The following SNRPF variants were observed in gnomAD, a reference collection of about 807,000 sequenced individuals.
SNRPF encodes the protein small nuclear ribonucleoprotein F.
Under a neutral mutation model 13.4 loss-of-function variants are expected in SNRPF, and 1 was observed. The ratio of observed to expected loss-of-function variants is 0.07; its 90% CI spans 0.03 to 0.35. The LOEUF is 0.35. SNRPF is among the 10% of genes least tolerant of loss of function. SNRPF has a pLI of 0.99. For missense variants in SNRPF, 53 were observed against 101.0 expected, an observed-to-expected ratio of 0.52 and a Z score of 2.04; for synonymous variants, 27 against 32.1, an observed-to-expected ratio of 0.84 and a Z score of 0.54.
chr12:95,861,624 C>T (rs2079496847), intron 2 of SNRPF: 1 of 227,112 alleles, frequency 4.4e-6, no homozygotes, highest in South Asian at 5.3e-5. Flanking sequence ...AGAAAGTTTT[C>T]AAGTGAAATT....
chr12:95,860,852 CTTT>C (rs10689270), intron 1 of SNRPF, among the ~76,000 whole-genome samples: 1 of 96,564 alleles, frequency 1.0e-5, no homozygotes, highest in African/African-American at 4.2e-5. Context: ...ACCTGGCCCG[CTTT>C]TTTTTTTTTT....
chr12:95,864,690 A>T (rs528982290), intron 2 of SNRPF, among the ~76,000 whole-genome samples: 1 of 152,360 alleles, frequency 6.6e-6, no homozygotes, highest in East Asian at 1.9e-4. Context: ...GGATCACTTG[A>T]AGGCAGAAAT....
At chr12:95,861,386 A>C in intron 2 of SNRPF, 93 bp downstream of exon 2, 1 of 1,210,954 alleles carries the variant, frequency 8.3e-7, no homozygotes, top group Non-Finnish European at 1.2e-6. Context: ...GAATACATAC[A>C]ATTAAATTGA....
intron 1 of SNRPF, 32 bp downstream of exon 1, chr12:95,859,108 G>T (rs897874750): frequency 3.1e-6 from 5 of 1,595,552 alleles, no homozygotes; most frequent in Non-Finnish European, 4.3e-6. Flanking sequence ...GGAGAAGCGG[G>T]GAGAAAGAGA....
chr12:95,860,388 C>T (rs183794603), intron 1 of SNRPF, among the ~76,000 whole-genome samples: 2,412 of 152,314 alleles, frequency 0.016, 32 homozygotes, highest in Non-Finnish European at 0.025. Context: ...AACTCTTATC[C>T]TTTAAAACTG....
chr12:95,861,057 A>T (rs1290467371), intron 1 of SNRPF, 111 bp from the exon 2 acceptor site: 1 of 848,682 alleles, frequency 1.2e-6, no homozygotes, highest in African/African-American at 1.7e-5. Flanking sequence ...AATAATAAGG[A>T]GTCAAAAGTT....
chr12:95,861,248 G>T lies in SNRPF; in HGVS notation c.84G>T (p.Glu28Asp). 1 of 1,612,416 alleles carries T rather than the reference G, an allele frequency of 6.2e-7. No individual in the cohort carries two copies. The highest frequency in any genetic ancestry group is 8.5e-7 in the Non-Finnish European group (1 of 1,178,974). The change falls in exon 2 of 4, where the codon GAG (glutamate) becomes GAT (aspartate). Residue 28 changes from glutamate (E) to aspartate (D), a missense_variant. Coordinates refer to ENST00000266735, the MANE Select transcript of SNRPF (RefSeq NM_003095.5). ...PVMVKLKWGM[E>D]YKGYLVSVDG... ...TGGTGAAACTTAAGTGGGGAATGGA[G>T]TACAAGGGCTATCTGGTATCTGTAG...
intron 1 of SNRPF, among the ~76,000 whole-genome samples, chr12:95,860,832 G>A (rs1302100184): frequency 6.9e-6 from 1 of 145,282 alleles, no homozygotes; most frequent in Admixed American, 6.9e-5. Flanking sequence ...TTACAGATAC[G>A]AGCCACCCTA....
intron 1 of SNRPF, among the ~76,000 whole-genome samples, chr12:95,859,941 A>T (rs2079487019): frequency 6.6e-6 from 1 of 152,244 alleles, no homozygotes; most frequent in South Asian, 2.1e-4. Flanking sequence ...AAATTGGAGA[A>T]TGAAAACTGG....
intron 2 of SNRPF, among the ~76,000 whole-genome samples, chr12:95,862,411 CTA>C (rs2079500290): frequency 6.6e-6 from 1 of 152,022 alleles, no homozygotes; most frequent in Non-Finnish European, 1.5e-5. Context: ...ACTGGTAATT[CTA>C]TGTTTAATTT....
At position 95,859,728 on chromosome 12, in the gene SNRPF, A is replaced by G. The variant is rs2079485833; in HGVS notation, c.3+652A>G. On this transcript the variant is annotated intron_variant, in intron 1 of 3. Transcript: ENST00000266735. ...CATTTGGAGAAATTGACAGAAAGGT[A>G]TAGCCACTTGCGCGAATAGTGGTTA... Among the ~76,000 whole-genome samples, 3 of 152,226 alleles carry G rather than the reference A, an allele frequency of 2.0e-5. No homozygotes were observed. In the South Asian group the frequency reaches 6.2e-4, roughly 31 times the overall value.
intron 2 of SNRPF, among the ~76,000 whole-genome samples, chr12:95,864,458 T>C (rs2079511886): frequency 6.6e-6 from 1 of 152,220 alleles, no homozygotes; most frequent in Non-Finnish European, 1.5e-5. Context: ...GTAGGTAAAG[T>C]AAGAAGAGCT....
Position 95,861,341 on chromosome 12 carries a change from C to T in SNRPF, c.129+48C>T, listed in dbSNP as rs1213846286. On this transcript the variant is annotated intron_variant, in intron 2 of 3. Coordinates refer to ENST00000266735, the MANE Select transcript of SNRPF (RefSeq NM_003095.5). ...TCATAACATTGCATTTATTTTGCTT[C>T]ACCTTATTTCTCAAAGGTTTAGTCT... 3 of 1,554,732 alleles carry T rather than the reference C, an allele frequency of 1.9e-6. No individual in the cohort carries two copies. In the Admixed American group the frequency reaches 5.3e-5, roughly 27 times the overall value.
chr12:95,863,996 T>C (rs1430703489), intron 2 of SNRPF, among the ~76,000 whole-genome samples: 2 of 152,214 alleles, frequency 1.3e-5, no homozygotes, highest in African/African-American at 4.8e-5. Context: ...AACATTATTG[T>C]GTAATTTAGA....
chr12:95,861,058 G>A (rs778467690), intron 1 of SNRPF, 110 bp from the exon 2 acceptor site: 38 of 942,162 alleles, frequency 4.0e-5, no homozygotes, highest in Non-Finnish European at 3.4e-5. Flanking sequence ...ATAATAAGGA[G>A]TCAAAAGTTT....
intron 2 of SNRPF, chr12:95,861,558 G>A: frequency 3.9e-6 from 1 of 254,278 alleles, no homozygotes; most frequent in South Asian, 4.2e-5. Flanking sequence ...ATACCATAAG[G>A]GAAACACACT....
At chr12:95,863,264 T>C (rs2079504586) in intron 2 of SNRPF, among the ~76,000 whole-genome samples, 1 of 152,202 alleles carries the variant, frequency 6.6e-6, no homozygotes, top group Non-Finnish European at 1.5e-5. Context: ...TAGAAAAATC[T>C]GGGAAGTATA....
chr12:95,865,622 C>T (rs2079517561), intron 3 of SNRPF, among the ~76,000 whole-genome samples: 1 of 152,100 alleles, frequency 6.6e-6, no homozygotes, highest in Non-Finnish European at 1.5e-5. Flanking sequence ...AATTTTCTAG[C>T]TCTTAGCTAT....
Position 95,861,300 on chromosome 12 carries a change from T to C in SNRPF, c.129+7T>C, listed in dbSNP as rs774708643. ...TGGCTACATGAACATGCAGGTAAGC[T>C]AAAGAGCTGTAAAGGTCATAACATT... On this transcript the variant is annotated splice_region_variant and intron_variant, in intron 2 of 3. Coordinates refer to ENST00000266735, the MANE Select transcript of SNRPF (RefSeq NM_003095.5). The C allele has an allele frequency of 1.9e-6, 3 of 1,606,630 alleles. No individual in the cohort carries two copies. The South Asian group carries it at 3.3e-5, about 18-fold the overall frequency.
Sources: allele counts gnomAD v4.1 joint callset (sites outside exome capture counted in the v4.1 genomes callset), GRCh38; gene constraint gnomAD v4.1.1; transcripts MANE v1.5; gene names NCBI Gene and HGNC (gene_info 2026-07-23, HGNC 2026-07-21).